TASOR: variants seen among roughly 807,000 people sequenced by gnomAD.
TASOR encodes protein TASOR.
In TASOR, 53 loss-of-function variants were observed where a neutral mutation model predicts 178.6. That is an observed-to-expected ratio of 0.30 (90% CI 0.24 to 0.37). The LOEUF is 0.37. Among genes scored for constraint, TASOR ranks in the 10% least tolerant of loss-of-function variants. The pLI is 1.00. For missense variants in TASOR, 1,815 were observed against 1,971.4 expected, an observed-to-expected ratio of 0.92 and a Z score of 1.50; for synonymous variants, 713 against 696.2, an observed-to-expected ratio of 1.02 and a Z score of -0.38.
At chr3:56,627,272 TTGTC>T (rs1310429376) in intron 20 of TASOR, 127 bp from the exon 21 acceptor site, 6 of 649,712 alleles carry the variant, frequency 9.2e-6, no homozygotes, top group Non-Finnish European at 1.1e-5. Flanking sequence ...TCATTTCTCT[TTGTC>T]TAAGGGAGAC....
chr3:56,642,629 G>A (rs1222249471), intron 14 of TASOR, among the ~76,000 whole-genome samples: 1 of 152,130 alleles, frequency 6.6e-6, no homozygotes, highest in Admixed American at 6.6e-5. Context: ...ACAAAAAGCA[G>A]ATCAGTAGTG....
Position 56,627,071 on chromosome 3 carries a change from A to G in TASOR, c.4105T>C (p.Cys1369Arg), listed in dbSNP as rs1021328563. The G allele has an allele frequency of 6.2e-7, 1 of 1,612,172 alleles. No individual in the cohort carries two copies. The change falls in exon 21 of 24, where the codon TGT becomes CGT. Residue 1369 changes from cysteine (C) to arginine (R), a missense_variant. Physicochemically the swap from Cys to Arg is radical, Grantham distance 180 (BLOSUM62 -3). This residue lies in a region of TASOR where 134 missense variants were observed against 195.2 expected (regional missense o/e 0.69). Transcript: ENST00000683822. Reference protein sequence around the residue: ...PEGKWQWKVHCKFQKKLKELG... With the variant: ...PEGKWQWKVHRKFQKKLKELG... ...TCCTTTAGTTTCTTCTGAAATTTAC[A>G]GTGGACTTTCCATTGCCATTTTCCT...
chr3:56,657,446 A>G (rs1465989511), intron 11 of TASOR, among the ~76,000 whole-genome samples: 1 of 152,180 alleles, frequency 6.6e-6, no homozygotes, highest in Non-Finnish European at 1.5e-5. Flanking sequence ...TCTAATATAC[A>G]AAAATGTATA....
chr3:56,680,737 G>T (rs1410037450), intron 1 of TASOR, among the ~76,000 whole-genome samples: 1 of 151,960 alleles, frequency 6.6e-6, no homozygotes, highest in African/African-American at 2.4e-5. Context: ...GGTGTTCAGG[G>T]TATAAATAAT....
rs909861913 is a variant in TASOR, at chr3:56,673,528, C to T, written c.477+52G>A. The T allele has an allele frequency of 5.3e-6, 7 of 1,329,354 alleles. No homozygotes were observed. The African/African-American group carries it at 1.1e-4, about 21-fold the overall frequency. 82.3% of individuals were successfully genotyped at this position (1,329,354 alleles called of 1,614,324 possible). On this transcript the variant is annotated intron_variant, in intron 2 of 23. Coordinates refer to ENST00000683822, the MANE Select transcript of TASOR (RefSeq NM_001365635.2). ...TTCTAGAGAACATTTTTTTCCCAGG[C>T]TGTTAACTGGTTCTGAAAACAATCT...
Position 56,666,153 on chromosome 3 carries a change from A to C in TASOR, c.1022+107T>G, listed in dbSNP as rs1053353221. ...TCTCCAACCAACTTCAAGGGAAGTT[A>C]AAAAAAAAAAAATGGGAAGGAAACA... On this transcript the variant is annotated intron_variant, in intron 7 of 23. Transcript: ENST00000683822. 812 of 70,932 alleles carry C rather than the reference A, an allele frequency of 0.011. 4 individuals carry two copies. In the African/African-American group the frequency reaches 0.2, roughly 17 times the overall value. The allele number at this position is 70,932 out of a possible 1,614,324, so 4.4% of individuals were successfully genotyped here.
intron 23 of TASOR, 123 bp downstream of exon 23, chr3:56,624,356 T>C: frequency 1.1e-6 from 1 of 895,566 alleles, no homozygotes; most frequent in Non-Finnish European, 1.7e-6. Flanking sequence ...TGAAACACTT[T>C]CCCTATGGCT....
At chr3:56,673,493 A>C (rs1202396485) in intron 2 of TASOR, 87 bp downstream of exon 2, 1 of 1,104,338 alleles carries the variant, frequency 9.1e-7, no homozygotes, top group African/African-American at 1.7e-5. Context: ...TTTCCTAAAA[A>C]TTTTAGTATT....
intron 6 of TASOR, among the ~76,000 whole-genome samples, chr3:56,667,344 T>C (rs1482921841): frequency 6.6e-6 from 1 of 151,958 alleles, no homozygotes; most frequent in South Asian, 2.1e-4. Flanking sequence ...GTTATAGACA[T>C]TTTTTTTAAT....
chr3:56,633,066 C>A lies in TASOR; in HGVS notation c.3725G>T (p.Ser1242Ile). ...TACCTTTATTTCTTTACAGAGCACA[C>A]TCTCTTCTTCTTCATGAATATAAAA... ...VKFYIHEEEESVLCKEIKEYL... is the reference protein window; with the variant it reads ...VKFYIHEEEEIVLCKEIKEYL... Residue 1242 changes from serine to isoleucine, a missense_variant, in exon 18 of 24, where the codon AGT becomes ATT. Physicochemically the swap from Ser to Ile is moderately radical, Grantham distance 142. Transcript: ENST00000683822. 1 of 1,597,846 alleles carries A rather than the reference C, an allele frequency of 6.3e-7. No homozygotes were observed. Among genetic ancestry groups the A allele is most frequent in the South Asian group, 1.1e-5 (1 of 87,908 alleles).
chr3:56,671,767 T>C (rs2030762822), intron 2 of TASOR, 75 bp from the exon 3 acceptor site: 6 of 1,163,792 alleles, frequency 5.2e-6, no homozygotes, highest in Middle Eastern at 2.9e-4. Flanking sequence ...TATTTTTTTT[T>C]CCAAGAAATC....
At position 56,682,935 on chromosome 3, in the gene TASOR, G is replaced by T. The variant is rs780240963; in HGVS notation, c.72C>A (p.Asp24Glu). 1.9e-6 allele frequency: 3 copies of T among 1,549,460 alleles called. No individual in the cohort carries two copies. The highest frequency in any genetic ancestry group is 2.0e-5 in the Admixed American group (1 of 50,962). ...DASWESGGGG[D>E]DEMKQALPEL... ...CCGGAAGCGCCTGCTTCATCTCGTC[G>T]TCTCCGCCGCCGCCACTTTCCCAAC... The change falls in exon 1 of 24, where the codon GAC (aspartate) becomes GAA (glutamate). Residue 24 changes from aspartate (D) to glutamate (E), a missense_variant. Coordinates refer to ENST00000683822, the MANE Select transcript of TASOR (RefSeq NM_001365635.2).
At chr3:56,626,433 T>TA (rs1245962973) in intron 21 of TASOR, among the ~76,000 whole-genome samples, 1 of 152,136 alleles carries the variant, frequency 6.6e-6, no homozygotes, top group African/African-American at 2.4e-5. Flanking sequence ...AGTTGGCACA[T>TA]ACAGTTCAGT....
At chr3:56,631,408 G>C (rs2076908282) in intron 18 of TASOR, among the ~76,000 whole-genome samples, 1 of 152,102 alleles carries the variant, frequency 6.6e-6, no homozygotes, top group Non-Finnish European at 1.5e-5. Flanking sequence ...CAAAATCCTA[G>C]GCATTCCCTT....
intron 11 of TASOR, among the ~76,000 whole-genome samples, chr3:56,656,997 C>T (rs1181116685): frequency 1.4e-5 from 2 of 145,030 alleles, no homozygotes; most frequent in South Asian, 2.2e-4. Context: ...GCAACAAGAG[C>T]GAAACACCGT....
chr3:56,629,733 A>AGATTACT (rs1230565446), intron 18 of TASOR, among the ~76,000 whole-genome samples: 2 of 152,064 alleles, frequency 1.3e-5, no homozygotes, highest in African/African-American at 4.8e-5. Context: ...CTCATTTCAG[A>AGATTACT]GATTACTTTT....
chr3:56,653,565 T>C (rs963953619), intron 11 of TASOR, among the ~76,000 whole-genome samples: 2 of 151,914 alleles, frequency 1.3e-5, no homozygotes, highest in African/African-American at 4.8e-5. Context: ...CACTGCAGCA[T>C]AGTCAAAGTG....
chr3:56,649,128 T>C, intron 11 of TASOR, 71 bp from the exon 12 acceptor site: 1 of 1,125,054 alleles, frequency 8.9e-7, no homozygotes, highest in South Asian at 1.8e-5. Context: ...ACACACAGCA[T>C]TTTCTACTAA....
intron 11 of TASOR, among the ~76,000 whole-genome samples, chr3:56,651,326 T>C (rs2077347373): frequency 6.6e-6 from 1 of 152,062 alleles, no homozygotes; most frequent in South Asian, 2.1e-4. Context: ...TTTATTCTAC[T>C]ATTTTAAATT....
Sources: gnomAD v4.1 joint callset for allele counts (sites outside exome capture counted in the v4.1 genomes callset) on GRCh38, gnomAD v4.1.1 for gene constraint, gnomAD v4.1.1 regional missense constraint, MANE v1.5 for transcripts, NCBI Gene and HGNC (gene_info 2026-07-23, HGNC 2026-07-21) for gene names.